Variants in ENAH observed in about 807,000 individuals in gnomAD.
ENAH encodes the protein protein enabled homolog.
In ENAH, 23 loss-of-function variants were observed where a neutral mutation model predicts 78.7. The observed-to-expected ratio is 0.29, with a 90% CI of 0.21 to 0.41. ENAH has a LOEUF of 0.41. Ranked by LOEUF, ENAH falls within the 10% of genes least tolerant of loss-of-function variation. The pLI is 1.00. For missense variants in ENAH, 544 were observed against 691.0 expected (o/e 0.79, Z 2.39); for synonymous variants, 226 against 241.0 (o/e 0.94, Z 0.58).
chr1:225,497,921 A>C (rs2096258031), intron 13 of ENAH, 109 bp from the exon 14 acceptor site: 1 of 92,978 alleles, frequency 1.1e-5, no homozygotes, highest in Non-Finnish European at 2.0e-5. Flanking sequence ...CACAGTAATA[A>C]GAAGATTAAC....
chr1:225,638,892 C>T (rs1660531968), intron 1 of ENAH, among the ~76,000 whole-genome samples: 1 of 152,100 alleles, frequency 6.6e-6, no homozygotes, highest in Non-Finnish European at 1.5e-5. Context: ...ACAGAAGTTG[C>T]CAGGGAAGCA....
chr1:225,507,891 G>T, intron 11 of ENAH, 60 bp downstream of exon 11: 1 of 1,208,676 alleles, frequency 8.3e-7, no homozygotes, highest in Non-Finnish European at 1.1e-6. Flanking sequence ...TCTACACTAA[G>T]AATGCATTAA....
At chr1:225,643,160 G>C (rs764281692) in intron 1 of ENAH, among the ~76,000 whole-genome samples, 2 of 152,214 alleles carry the variant, frequency 1.3e-5, no homozygotes, top group African/African-American at 2.4e-5. Context: ...TTGGGTTTTA[G>C]TCTAAGATGC....
intron 11 of ENAH, among the ~76,000 whole-genome samples, chr1:225,501,909 C>T (rs1257461226): frequency 6.6e-6 from 1 of 152,092 alleles, no homozygotes; most frequent in Admixed American, 6.5e-5. Flanking sequence ...TCTCCAAGTC[C>T]GGCAATAAAA....
intron 1 of ENAH, among the ~76,000 whole-genome samples, chr1:225,595,880 A>C (rs2096899561): frequency 6.6e-6 from 1 of 152,234 alleles, no homozygotes; most frequent in South Asian, 2.1e-4. Flanking sequence ...TAAAAATGTT[A>C]TGGGCTATAT....
In ENAH at chr1:225,510,164, A is replaced by C. The variant is rs965150068; in HGVS notation, c.1471+1647T>G. Among the ~76,000 whole-genome samples the C allele has an allele frequency of 5.3e-5, 8 of 152,346 alleles. 1 individual carries two copies. Among genetic ancestry groups the C allele is most frequent in the East Asian group, 1.9e-4 (1 of 5,192 alleles). On this transcript the variant is annotated intron_variant, in intron 10 of 13. Transcript: ENST00000366843. ...TTAAAAACGGAATGAAACAAGTGAG[A>C]AAACAGGCCCTGCCCTTTTTGATTT...
chr1:225,652,495 A>C, intron 1 of ENAH, 191 bp downstream of exon 1: 1 of 851,848 alleles, frequency 1.2e-6, no homozygotes, highest in Non-Finnish European at 1.4e-6. Context: ...CCCCCAAACC[A>C]CACGGGTTGG....
chr1:225,597,706 A>T lies in ENAH; in HGVS notation c.6-30292T>A, dbSNP rs531383877. Reference sequence around the variant, plus strand: ...CTAAAGAGATGTGACAATGAAACCCAATGTGCCATGTGAATTGAATCCTGG... The same window carrying T: ...CTAAAGAGATGTGACAATGAAACCCTATGTGCCATGTGAATTGAATCCTGG... On this transcript the variant is annotated intron_variant, in intron 1 of 13. Coordinates refer to ENST00000366843, the MANE Select transcript of ENAH (RefSeq NM_018212.6). 2.0e-5 allele frequency among the ~76,000 whole-genome samples: 3 copies of T among 151,664 alleles called. No individual in the cohort carries two copies. In the South Asian group the frequency reaches 6.2e-4, roughly 32 times the overall value.
In ENAH at chr1:225,494,211, G is replaced by GA. The variant is rs1163002265; in HGVS notation, c.*3563dup. On this transcript the variant is annotated 3_prime_UTR_variant, in exon 14 of 14. Transcript: ENST00000366843. ...AGGGGAAAATTTGGGTCTGGTCAAA[G>GA]AAAAAATACAAGGATTGTATTTTTG... The GA allele has an allele frequency of 6.6e-6, 1 of 151,552 alleles. No individual in the cohort carries two copies. The highest frequency in any genetic ancestry group is 1.5e-5 in the Non-Finnish European group (1 of 67,864). The allele number at this position is 151,552 out of a possible 1,614,324, so 9.4% of individuals were successfully genotyped here.
At chr1:225,503,670 A>AAAC (rs1558711193) in intron 11 of ENAH, among the ~76,000 whole-genome samples, 2 of 150,156 alleles carry the variant, frequency 1.3e-5, no homozygotes, top group Non-Finnish European at 3.0e-5. Context: ...AAAAAAAAAA[A>AAAC]AAAAAAAACA....
rs116354030 is a variant in ENAH at position 225,622,803 on chromosome 1, T to C, written c.5+29883A>G. Reference sequence around the variant, plus strand: ...ACCATAGCACTATGGCAGAATGACATAACCACAAGCCTTAAGCATGTAAGG... The same window carrying C: ...ACCATAGCACTATGGCAGAATGACACAACCACAAGCCTTAAGCATGTAAGG... On this transcript the variant is annotated intron_variant, in intron 1 of 13. Transcript: ENST00000366843. Among the ~76,000 whole-genome samples, 1,018 of 152,226 alleles carry C rather than the reference T, an allele frequency of 6.7e-3. 8 individuals carry two copies. The highest frequency in any genetic ancestry group is 0.023 in the African/African-American group (947 of 41,530).
At chr1:225,614,623 T>C (rs2097014156) in intron 1 of ENAH, among the ~76,000 whole-genome samples, 1 of 152,140 alleles carries the variant, frequency 6.6e-6, no homozygotes, top group African/African-American at 2.4e-5. Context: ...GCTCTTCCCC[T>C]TCCCCTCCCA....
intron 3 of ENAH, among the ~76,000 whole-genome samples, chr1:225,547,746 C>T (rs747179807): frequency 6.6e-6 from 1 of 152,216 alleles, no homozygotes; most frequent in Non-Finnish European, 1.5e-5. Flanking sequence ...ACAGCTCATT[C>T]TTCCCACTTT....
chr1:225,628,150 A>C (rs1575783128), intron 1 of ENAH, among the ~76,000 whole-genome samples: 1 of 152,228 alleles, frequency 6.6e-6, no homozygotes, highest in African/African-American at 2.4e-5. Context: ...CTGTAAATCA[A>C]TTCTTCTTAG....
chr1:225,586,308 G>A (rs1316054584), intron 1 of ENAH, among the ~76,000 whole-genome samples: 1 of 148,936 alleles, frequency 6.7e-6, no homozygotes, highest in African/African-American at 2.5e-5. Context: ...AGAGGAGGGG[G>A]AAGGAAAAGG....
At chr1:225,600,675 A>C (rs1417222726) in intron 1 of ENAH, among the ~76,000 whole-genome samples, 1 of 152,026 alleles carries the variant, frequency 6.6e-6, no homozygotes, top group African/African-American at 2.4e-5. Context: ...CTGGGCAACA[A>C]GGTGAGACTC....
chr1:225,495,456 G>GT lies in ENAH; in HGVS notation c.*2318dup, dbSNP rs33964064. ...GGAAATATAGCATGATTCAACACTG[G>GT]TTTTTTTTTTTTTTTTTTTTTGTCA... On this transcript the variant is annotated 3_prime_UTR_variant, in exon 14 of 14. Transcript: ENST00000366843. 0.15 allele frequency: 17,142 copies of GT among 110,694 alleles called. 2,192 individuals are homozygous for GT. The highest frequency in any genetic ancestry group is 0.29 in the African/African-American group (8,373 of 28,466). The allele number at this position is 110,694 out of a possible 1,614,324, so 6.9% of individuals were successfully genotyped here.
intron 1 of ENAH, among the ~76,000 whole-genome samples, chr1:225,635,920 T>C (rs1361261591): frequency 6.6e-6 from 1 of 152,170 alleles, no homozygotes. Context: ...ACAGAAATCC[T>C]CCTGTTTTGA....
rs1354043683 is a variant in ENAH, at chr1:225,492,514, T to A, written c.*5261A>T. ...ATTCCTGTGTCCTACACCAGAAGCG[T>A]CTACGGGCCCTGCTCTCTGCTCTTT... On this transcript the variant is annotated 3_prime_UTR_variant, in exon 14 of 14. Coordinates refer to ENST00000366843, the MANE Select transcript of ENAH (RefSeq NM_018212.6). The A allele has an allele frequency of 8.5e-5, 13 of 152,222 alleles. No homozygotes were observed. The highest frequency in any genetic ancestry group is 1.6e-4 in the Non-Finnish European group (11 of 68,046). 9.4% of individuals were successfully genotyped at this position (152,222 alleles called of 1,614,324 possible).
Sources: allele counts gnomAD v4.1 joint callset (sites outside exome capture counted in the v4.1 genomes callset), GRCh38; gene constraint gnomAD v4.1.1; transcripts MANE v1.5; gene names NCBI Gene and HGNC (gene_info 2026-07-23, HGNC 2026-07-21).